MARCHF1: variants seen among roughly 807,000 people sequenced by gnomAD.
MARCHF1 encodes the protein membrane associated ring-CH-type finger 1, also known as E3 ubiquitin-protein ligase MARCHF1.
Under a neutral mutation model 54.2 loss-of-function variants are expected in MARCHF1, and 40 were observed. That is an observed-to-expected ratio of 0.74 (90% CI 0.57 to 0.96). The LOEUF is 0.96. MARCHF1 is among the 40% of genes least tolerant of loss of function. The pLI, the probability that MARCHF1 is intolerant of heterozygous loss-of-function variation, is 0.00. For missense variants in MARCHF1, 586 were observed against 656.5 expected (o/e 0.89, Z 1.17); for synonymous variants, 236 against 236.3 (o/e 1.00, Z 0.01).
chr4:163,770,356 G>A (rs753126775), intron 4 of MARCHF1, among the ~76,000 whole-genome samples: 2 of 152,084 alleles, frequency 1.3e-5, no homozygotes, highest in Non-Finnish European at 2.9e-5. Flanking sequence ...GAAAGATTGT[G>A]TATAGTAAAT....
chr4:164,369,012 GTCTCAC>G (rs1422951531), intron 1 of MARCHF1, among the ~76,000 whole-genome samples: 1 of 152,164 alleles, frequency 6.6e-6, no homozygotes, highest in African/African-American at 2.4e-5. Context: ...GGCCAGCAAA[GTCTCAC>G]TCCTTCCATC....
At chr4:164,042,832 C>T (rs1003756440) in intron 2 of MARCHF1, among the ~76,000 whole-genome samples, 8 of 152,228 alleles carry the variant, frequency 5.3e-5, no homozygotes, top group Non-Finnish European at 1.0e-4. Flanking sequence ...GTAAATACTG[C>T]CATTTCAAAT....
intron 1 of MARCHF1, among the ~76,000 whole-genome samples, chr4:164,168,538 T>TAC (rs907326401): frequency 1.4e-4 from 21 of 152,128 alleles, no homozygotes; most frequent in African/African-American, 4.8e-4. Context: ...AGTCTGTGTA[T>TAC]ACACACACAC....
At chr4:163,733,284 T>TAC (rs1270151395) in intron 4 of MARCHF1, among the ~76,000 whole-genome samples, 2 of 99,630 alleles carry the variant, frequency 2.0e-5, no homozygotes, top group Non-Finnish European at 4.1e-5. Context: ...CACAGACACA[T>TAC]ACACACACAC....
chr4:164,220,630 ATATATATGC>A (rs1029799614), intron 1 of MARCHF1, among the ~76,000 whole-genome samples: 4 of 145,876 alleles, frequency 2.7e-5, no homozygotes, highest in Admixed American at 7.0e-5. Context: ...CATATATGTA[ATATATATGC>A]TATATATGCA....
intron 3 of MARCHF1, among the ~76,000 whole-genome samples, chr4:163,914,899 G>A (rs773136658): frequency 1.6e-4 from 24 of 152,082 alleles, no homozygotes; most frequent in South Asian, 4.2e-4. Context: ...TAATAACCAT[G>A]TTGAATACTT....
At chr4:163,780,777 G>T (rs1027999716) in intron 4 of MARCHF1, among the ~76,000 whole-genome samples, 1 of 152,162 alleles carries the variant, frequency 6.6e-6, no homozygotes, top group Non-Finnish European at 1.5e-5. Context: ...CATCTCTTCG[G>T]TGGGAAAATC....
chr4:163,563,773 C>T (rs1002675221), intron 8 of MARCHF1, among the ~76,000 whole-genome samples: 1 of 152,178 alleles, frequency 6.6e-6, no homozygotes, highest in Non-Finnish European at 1.5e-5. Flanking sequence ...CAATGCTTGG[C>T]ACTATTAAGC....
intron 1 of MARCHF1, chr4:164,189,738 G>A (rs1328036821): frequency 8.3e-7 from 1 of 1,208,364 alleles, no homozygotes; most frequent in Non-Finnish European, 1.2e-6. Flanking sequence ...TATAGCTTCT[G>A]ATAATCAACC....
rs141135114 is a variant in MARCHF1, at chr4:164,100,903, G to C, written c.-248+10685C>G. ...ACAGTGGGCGCAGGTCAGTGGGTGC[G>C]CGCACAGTGCGCGAGCCGAAGTAGG... On this transcript the variant is annotated intron_variant, in intron 2 of 9. Transcript: ENST00000514618. 2.6e-5 allele frequency among the ~76,000 whole-genome samples: 4 copies of C among 152,218 alleles called. No homozygotes were observed. In the East Asian group the frequency reaches 5.8e-4, roughly 22 times the overall value.
rs552721737 is a variant in MARCHF1 at position 164,060,739 on chromosome 4, A to C, written c.-248+50849T>G. ...TTACAAGGAGACATATTTTCACTCA[A>C]TATAAATAAAAACTTTCCAACAGTT... On this transcript the variant is annotated intron_variant, in intron 2 of 9. Transcript: ENST00000514618. Among the ~76,000 whole-genome samples the C allele has an allele frequency of 2.0e-5, 3 of 152,294 alleles. No homozygotes were observed. In the East Asian group the frequency reaches 5.8e-4, roughly 29 times the overall value.
At chr4:163,886,047 G>C (rs1024623176) in intron 3 of MARCHF1, among the ~76,000 whole-genome samples, 1 of 147,930 alleles carries the variant, frequency 6.8e-6, no homozygotes, top group Non-Finnish European at 1.5e-5. Flanking sequence ...TGGTATGATA[G>C]TGTGCCCCTG....
intron 4 of MARCHF1, among the ~76,000 whole-genome samples, chr4:163,740,170 A>G (rs1457114620): frequency 1.3e-5 from 2 of 152,104 alleles, no homozygotes; most frequent in Admixed American, 6.6e-5. Context: ...AAAACTACCT[A>G]TCTCCATCCC....
chr4:164,095,107 C>T (rs1464155588), intron 2 of MARCHF1, among the ~76,000 whole-genome samples: 1 of 151,956 alleles, frequency 6.6e-6, no homozygotes, highest in Non-Finnish European at 1.5e-5. Flanking sequence ...ACAAATAATA[C>T]CTACAGTTGT....
chr4:164,042,416 A>T (rs376435425), intron 2 of MARCHF1, among the ~76,000 whole-genome samples: 37 of 152,294 alleles, frequency 2.4e-4, no homozygotes, highest in African/African-American at 8.9e-4. Flanking sequence ...TTCTTATGGC[A>T]GCAAAAGGGA....
intron 4 of MARCHF1, among the ~76,000 whole-genome samples, chr4:163,819,624 C>T (rs951052030): frequency 7.2e-5 from 11 of 152,194 alleles, no homozygotes; most frequent in South Asian, 2.1e-4. Context: ...AATCCCTCTC[C>T]GAATCCAAAT....
chr4:163,802,444 C>T (rs1237060965), intron 4 of MARCHF1, among the ~76,000 whole-genome samples: 1 of 152,104 alleles, frequency 6.6e-6, no homozygotes, highest in Non-Finnish European at 1.5e-5. Context: ...GATTTTAATT[C>T]ATTAATATGT....
rs571352839 is a variant in MARCHF1 at position 163,616,893 on chromosome 4, A to G, written c.163-3500T>C. ...AAATATTACTACCATATGATCCAGC[A>G]ATCCCACTATACTGGGTATTTATTC... On this transcript the variant is annotated intron_variant, in intron 5 of 9. Coordinates refer to ENST00000514618, the MANE Select transcript of MARCHF1 (RefSeq NM_001394959.1). Among the ~76,000 whole-genome samples, 26 of 152,254 alleles carry G rather than the reference A, an allele frequency of 1.7e-4. No homozygotes were observed. The South Asian group carries it at 5.4e-3, about 32-fold the overall frequency.
intron 7 of MARCHF1, among the ~76,000 whole-genome samples, chr4:163,589,713 T>C (rs1359573368): frequency 2.0e-5 from 3 of 152,124 alleles, no homozygotes; most frequent in African/African-American, 7.2e-5. Context: ...CGAATAATTG[T>C]GTAGAGAAAT....
Sources: gnomAD v4.1 joint callset for allele counts (sites outside exome capture counted in the v4.1 genomes callset) on GRCh38, gnomAD v4.1.1 for gene constraint, MANE v1.5 for transcripts, NCBI Gene and HGNC (gene_info 2026-07-23, HGNC 2026-07-21) for gene names.